The following NTM variants were observed in gnomAD, a reference collection of about 807,000 sequenced individuals.
NTM encodes the protein neurotrimin.
In NTM, 13 loss-of-function variants were observed where a neutral mutation model predicts 42.1. That is an observed-to-expected ratio of 0.31 (90% confidence interval 0.20 to 0.49). The LOEUF (loss-of-function observed/expected upper bound fraction) is 0.49, where lower values mean the gene tolerates loss of function less well. Among genes scored for constraint, NTM ranks in the 20% least tolerant of loss-of-function variants. The pLI is 0.99. For missense variants in NTM, 373 were observed against 452.8 expected (o/e 0.82, Z 1.60); for synonymous variants, 187 against 179.2 (o/e 1.04, Z -0.35).
At chr11:132,303,690 T>C (rs2094951679) in intron 4 of NTM, among the ~76,000 whole-genome samples, 2 of 136,802 alleles carry the variant, frequency 1.5e-5, no homozygotes, top group Admixed American at 7.9e-5. Flanking sequence ...CTTAGATAGA[T>C]AGGGCACAGC....
In NTM at chr11:131,688,115, G is replaced by A. The variant is rs55734806; in HGVS notation, c.83-223449G>A. Among the ~76,000 whole-genome samples, 321 of 152,328 alleles carry A rather than the reference G, an allele frequency of 2.1e-3. 1 individual carries two copies. The highest frequency in any genetic ancestry group is 2.1e-3 in the Non-Finnish European group (141 of 68,032). On this transcript the variant is annotated intron_variant, in intron 1 of 8. Transcript: ENST00000683400. ...TGCCAGGCAGTTCTCACATCTGGAT[G>A]AGGAGCCGCAGATGCCGCGGGGGCG...
chr11:131,477,049 G>T (rs1316165317), intron 1 of NTM, among the ~76,000 whole-genome samples: 1 of 152,060 alleles, frequency 6.6e-6, no homozygotes, highest in Non-Finnish European at 1.5e-5. Flanking sequence ...CATGTCTTAG[G>T]CCTCAGTGAT....
Position 132,146,465 on chromosome 11 carries a change from G to A in NTM, c.351G>A (p.Val117=). The part of the protein sequence containing the change: ...VYDEGPYTCS[V]QTDNHPKTSR... ...ACGAGGGCCCTTACACCTGCTCGGT[G>A]CAGACAGACAACCACCCAAAGACCT... The change falls in exon 3 of 9, where the codon GTG becomes GTA. Residue 117 remains valine (V), a synonymous_variant. Coordinates refer to ENST00000683400, the MANE Select transcript of NTM (RefSeq NM_001352005.2). The surrounding 1 kb of genome is among the most constrained non-coding windows in gnomAD (Gnocchi z 4.5). The A allele has an allele frequency of 6.2e-7, 1 of 1,614,166 alleles. No individual in the cohort carries two copies.
chr11:132,152,931 G>C lies in NTM; in HGVS notation c.400+6417G>C, dbSNP rs186884707. ...TTCTCTACAGAGTTTGGAAAACTTG[G>C]CGTCTTTTGCAGAAGAGTGGATAAA... is the stretch of plus-strand genomic sequence containing the variant. On this transcript the variant is annotated intron_variant, in intron 3 of 8. Transcript: ENST00000683400. Among the ~76,000 whole-genome samples, 35 of 152,274 alleles carry C rather than the reference G, an allele frequency of 2.3e-4. 1 individual carries two copies. Among genetic ancestry groups the C allele is most frequent in the Admixed American group, 1.8e-3 (28 of 15,300 alleles).
At chr11:132,319,192 C>G (rs3133910) in intron 7 of NTM, among the ~76,000 whole-genome samples, 2 of 152,032 alleles carry the variant, frequency 1.3e-5, no homozygotes, top group African/African-American at 4.8e-5. Context: ...CCAGTGTGAG[C>G]GACGCAAAAG....
intron 1 of NTM, among the ~76,000 whole-genome samples, chr11:131,841,153 C>T (rs1455064726): frequency 6.6e-6 from 1 of 152,174 alleles, no homozygotes; most frequent in African/African-American, 2.4e-5. Context: ...TTGTTCCTCT[C>T]CTCAAAGTCC....
intron 1 of NTM, among the ~76,000 whole-genome samples, chr11:131,627,388 G>A (rs996040645): frequency 1.3e-5 from 2 of 152,036 alleles, no homozygotes; most frequent in Non-Finnish European, 2.9e-5. Context: ...TATAGCAAAT[G>A]TTACTAAGAC....
intron 1 of NTM, among the ~76,000 whole-genome samples, chr11:131,401,462 C>T (rs1051383828): frequency 2.0e-5 from 3 of 151,806 alleles, no homozygotes; most frequent in East Asian, 1.9e-4. Flanking sequence ...ACTGTAATAC[C>T]TTCTCTTAAT....
chr11:131,644,836 G>T (rs369618584), intron 1 of NTM, among the ~76,000 whole-genome samples: 5 of 152,124 alleles, frequency 3.3e-5, no homozygotes, highest in African/African-American at 1.2e-4. Context: ...CCTAAAAAAA[G>T]AATTTAGGAT....
At chr11:131,493,309 AC>A (rs146929048) in intron 1 of NTM, among the ~76,000 whole-genome samples, 1,596 of 152,306 alleles carry the variant, frequency 0.01, 18 homozygotes, top group African/African-American at 0.035. Flanking sequence ...TATAATGTCC[AC>A]CGTGTTTTAA....
At chr11:131,688,305 T>C (rs996881818) in intron 1 of NTM, among the ~76,000 whole-genome samples, 37 of 152,322 alleles carry the variant, frequency 2.4e-4, no homozygotes, top group African/African-American at 8.4e-4. Context: ...TCCGTGCCCC[T>C]CCTGGGTTTC....
intron 1 of NTM, among the ~76,000 whole-genome samples, chr11:131,459,597 T>C (rs1951196135): frequency 6.6e-6 from 1 of 152,224 alleles, no homozygotes; most frequent in African/African-American, 2.4e-5. Flanking sequence ...GTAAGTCCTA[T>C]TAACCTAACT....
At chr11:131,569,437 T>G (rs1236612274) in intron 1 of NTM, among the ~76,000 whole-genome samples, 1 of 152,206 alleles carries the variant, frequency 6.6e-6, no homozygotes, top group Admixed American at 6.5e-5. Flanking sequence ...TAAGCCACTG[T>G]GCCTGGCCCC....
intron 1 of NTM, among the ~76,000 whole-genome samples, chr11:131,834,990 C>T (rs1307723207): frequency 6.6e-6 from 1 of 152,082 alleles, no homozygotes; most frequent in African/African-American, 2.4e-5. Context: ...CAACAAACAG[C>T]TTTAACATTC....
intron 2 of NTM, among the ~76,000 whole-genome samples, chr11:132,063,664 T>C (rs1301282720): frequency 6.6e-6 from 1 of 152,184 alleles, no homozygotes; most frequent in Non-Finnish European, 1.5e-5. Context: ...TTAATACTGA[T>C]GTGGAAGGAC....
intron 1 of NTM, among the ~76,000 whole-genome samples, chr11:131,903,819 C>T (rs1413056923): frequency 6.6e-6 from 1 of 152,208 alleles, no homozygotes; most frequent in Non-Finnish European, 1.5e-5. Context: ...GACCCTGGAT[C>T]CCAGCCCTTT....
chr11:131,471,264 C>T (rs1387605509), intron 1 of NTM, among the ~76,000 whole-genome samples: 2 of 152,218 alleles, frequency 1.3e-5, no homozygotes, highest in Non-Finnish European at 2.9e-5. Flanking sequence ...GTTCTGTTTA[C>T]CTATTTGCCT....
At chr11:131,943,363 A>G (rs1335450424) in intron 2 of NTM, among the ~76,000 whole-genome samples, 8 of 152,246 alleles carry the variant, frequency 5.3e-5, no homozygotes, top group Non-Finnish European at 1.0e-4. Context: ...GCTAGAGGTC[A>G]GTCCCAGAGC....
At position 132,113,428 on chromosome 11, in the gene NTM, G is replaced by A. The variant is rs192374320; in HGVS notation, c.168-32854G>A. On this transcript the variant is annotated intron_variant, in intron 2 of 8. Coordinates refer to ENST00000683400, the MANE Select transcript of NTM (RefSeq NM_001352005.2). ...CTGAAAGCCAGTCTGTGTGCACCAC[G>A]TACACATTTTCCCTCTAGGTCTCTT... 1.5e-3 allele frequency among the ~76,000 whole-genome samples: 232 copies of A among 152,278 alleles called. 2 individuals are homozygous for A. The highest frequency in any genetic ancestry group is 5.3e-3 in the African/African-American group (221 of 41,570).
Sources: gnomAD v4.1 joint callset for allele counts (sites outside exome capture counted in the v4.1 genomes callset) on GRCh38, gnomAD v4.1.1 for gene constraint, Gnocchi (gnomAD v3.1) non-coding constraint, MANE v1.5 for transcripts, NCBI Gene and HGNC (gene_info 2026-07-23, HGNC 2026-07-21) for gene names.